Variants in USH2A observed in about 807,000 individuals in gnomAD.
The protein encoded by USH2A is Usher syndrome 2A (autosomal recessive, mild).
Under a neutral mutation model 538.9 loss-of-function variants are expected in USH2A, and 443 were observed. The observed-to-expected ratio is 0.82, with a 90% CI of 0.76 to 0.89. The LOEUF is 0.89. Among genes scored for constraint, USH2A ranks in the 40% least tolerant of loss-of-function variants. The probability of loss-of-function intolerance (pLI) is 0.00; values close to 1 mark genes in which losing one functional copy is unlikely to be tolerated. For synonymous variants in USH2A, 2,413 were observed against 2,273.5 expected (o/e 1.06, Z -1.75); for missense variants, 6,633 against 6,324.8 (o/e 1.05, Z -1.65).
intron 9 of USH2A, among the ~76,000 whole-genome samples, chr1:216,300,094 T>C (rs1419504131): frequency 6.6e-6 from 1 of 152,218 alleles, no homozygotes; most frequent in Non-Finnish European, 1.5e-5. Flanking sequence ...TCGTTTCAGA[T>C]AATACAAGGA....
At chr1:216,366,924 T>C (rs2038611451) in intron 3 of USH2A, among the ~76,000 whole-genome samples, 1 of 152,182 alleles carries the variant, frequency 6.6e-6, no homozygotes, top group Non-Finnish European at 1.5e-5. Context: ...GTTATCATTA[T>C]AAAAGATACA....
intron 35 of USH2A, among the ~76,000 whole-genome samples, chr1:215,988,015 C>A (rs918103100): frequency 2.0e-5 from 3 of 151,900 alleles, no homozygotes; most frequent in Non-Finnish European, 2.9e-5. Context: ...ATTACATCCT[C>A]TCTGTATCTT....
chr1:215,829,737 G>T (rs925891095), intron 47 of USH2A, among the ~76,000 whole-genome samples: 14 of 152,196 alleles, frequency 9.2e-5, no homozygotes, highest in African/African-American at 3.4e-4. Context: ...GCCTATAGTT[G>T]CTCATTAGAG....
chr1:216,417,378 T>TGAGA (rs2039593476), intron 3 of USH2A, among the ~76,000 whole-genome samples: 1 of 152,076 alleles, frequency 6.6e-6, no homozygotes, highest in African/African-American at 2.4e-5. Flanking sequence ...GATGCTCATA[T>TGAGA]GAGAGCTCAT....
intron 38 of USH2A, among the ~76,000 whole-genome samples, chr1:215,915,876 T>C (rs1288879340): frequency 6.6e-6 from 1 of 152,002 alleles, no homozygotes; most frequent in East Asian, 1.9e-4. Flanking sequence ...GATGAGTTCA[T>C]GTCCTTTGTA....
intron 22 of USH2A, among the ~76,000 whole-genome samples, chr1:216,095,356 CTACT>C (rs111312011): frequency 0.043 from 6,603 of 152,170 alleles, 472 homozygotes; most frequent in African/African-American, 0.15. Context: ...TCTAATTAAT[CTACT>C]TAAAGTTTTC....
intron 41 of USH2A, among the ~76,000 whole-genome samples, chr1:215,881,540 T>A (rs1479113632): frequency 6.6e-6 from 1 of 152,216 alleles, no homozygotes; most frequent in Non-Finnish European, 1.5e-5. Flanking sequence ...TCAAAATATA[T>A]GAGATTAAAA....
chr1:215,768,061 T>C (rs2102749284), intron 55 of USH2A, among the ~76,000 whole-genome samples: 1 of 152,024 alleles, frequency 6.6e-6, no homozygotes, highest in Non-Finnish European at 1.5e-5. Flanking sequence ...GAATGACTGT[T>C]CCTTCAGAGA....
Position 216,246,959 on chromosome 1 carries a change from G to A in USH2A, c.2435C>T (p.Thr812Ile), listed in dbSNP as rs768560709. 2 of 1,614,082 alleles carry A rather than the reference G, an allele frequency of 1.2e-6. No individual in the cohort carries two copies. Among genetic ancestry groups the A allele is most frequent in the Non-Finnish European group, 1.7e-6 (2 of 1,179,976 alleles). ...SLPGTVCNAKTGQCICKPNVE... is the reference protein window; with the variant it reads ...SLPGTVCNAKIGQCICKPNVE... ...ATTGGGCTTGCAGATGCACTGCCCT[G>A]TCTTAGCATTACAGACAGTCCCAGG... Residue 812 changes from threonine to isoleucine, a missense_variant, in exon 13 of 72, where the codon ACA (threonine) becomes ATA (isoleucine). Physicochemically the swap from Thr to Ile is moderately conservative, Grantham distance 89. Transcript: ENST00000307340.
At position 216,382,586 on chromosome 1, in the gene USH2A, C is replaced by A. The variant is rs371650843; in HGVS notation, c.652-17501G>T. Reference sequence around the variant, plus strand: ...GAATTTTGAAAGCTCACTGATAGCACTGTGGCAATATAAATTTAGAAATTA... The same window carrying A: ...GAATTTTGAAAGCTCACTGATAGCAATGTGGCAATATAAATTTAGAAATTA... On this transcript the variant is annotated intron_variant, in intron 3 of 71. Coordinates refer to ENST00000307340, the MANE Select transcript of USH2A (RefSeq NM_206933.4). Among the ~76,000 whole-genome samples, 284 of 152,222 alleles carry A rather than the reference C, an allele frequency of 1.9e-3. 14 individuals carry two copies. In the South Asian group the frequency reaches 0.057, roughly 31 times the overall value.
At chr1:216,252,730 C>T (rs540093953) in intron 11 of USH2A, among the ~76,000 whole-genome samples, 1 of 152,284 alleles carries the variant, frequency 6.6e-6, no homozygotes, top group South Asian at 2.1e-4. Context: ...CAATGAATTG[C>T]CTTCTTGTGC....
intron 9 of USH2A, among the ~76,000 whole-genome samples, chr1:216,302,362 C>T (rs2037232236): frequency 6.6e-6 from 1 of 152,130 alleles, no homozygotes; most frequent in African/African-American, 2.4e-5. Flanking sequence ...TGCAATAATA[C>T]TTCACCTGTG....
intron 70 of USH2A, among the ~76,000 whole-genome samples, chr1:215,633,951 G>T (rs531791157): frequency 3.3e-5 from 5 of 152,240 alleles, no homozygotes; most frequent in Admixed American, 2.0e-4. Flanking sequence ...GTGGCACAGG[G>T]TGTCAGGACC....
At position 215,625,736 on chromosome 1, in the gene USH2A, T is replaced by C; in HGVS notation, c.*45A>G. The C allele has an allele frequency of 6.4e-7, 1 of 1,568,440 alleles. No homozygotes were observed. Among genetic ancestry groups the C allele is most frequent in the Non-Finnish European group, 8.8e-7 (1 of 1,138,516 alleles). ...GAGTGATAACCCAGGAGGAAATGGG[T>C]GCAGACCTTGCATTCCAGGGTTACG... is the stretch of plus-strand genomic sequence containing the variant. On this transcript the variant is annotated 3_prime_UTR_variant, in exon 72 of 72. Coordinates refer to ENST00000307340, the MANE Select transcript of USH2A (RefSeq NM_206933.4).
At chr1:215,684,886 A>G (rs1658362549) in intron 61 of USH2A, among the ~76,000 whole-genome samples, 1 of 150,810 alleles carries the variant, frequency 6.6e-6, no homozygotes, top group Non-Finnish European at 1.5e-5. Flanking sequence ...AGTCACATCA[A>G]AAATTCACCT....
rs1656223604 is a variant in USH2A, at chr1:215,630,406, A to G, written c.15298-1371T>C. The G allele has an allele frequency of 7.8e-6, 3 of 386,592 alleles. 1 individual carries two copies. The highest frequency in any genetic ancestry group is 3.9e-5 in the South Asian group (2 of 51,628). The allele number at this position is 386,592 out of a possible 1,614,324, so 23.9% of individuals were successfully genotyped here. On this transcript the variant is annotated intron_variant, in intron 70 of 71. Coordinates refer to ENST00000307340, the MANE Select transcript of USH2A (RefSeq NM_206933.4). ...CTAGGATACATACCTGCATATGTAT[A>G]TATGTGTGTGTATATATATGTGTGT...
At position 215,888,761 on chromosome 1, in the gene USH2A, G is replaced by A; in HGVS notation, c.7888C>T (p.Pro2630Ser). The part of the protein sequence containing the change: ...LPGAPEGIPS[P>S]ELFSDTPTSV... ...GTTGGAGTATCAGAGAACAGCTCTG[G>A]ACTTGGGATCCCTTCCGGTGCCCCT... The change falls in exon 41 of 72, where the codon CCA (proline) becomes TCA (serine). Residue 2630 changes from proline to serine, a missense_variant. Physicochemically the swap from Pro to Ser is moderately conservative, Grantham distance 74. Coordinates refer to ENST00000307340, the MANE Select transcript of USH2A (RefSeq NM_206933.4). 6.2e-7 allele frequency: 1 copy of A among 1,614,112 alleles called. No individual in the cohort carries two copies. Among genetic ancestry groups the A allele is most frequent in the South Asian group, 1.1e-5 (1 of 91,082 alleles).
intron 16 of USH2A, among the ~76,000 whole-genome samples, chr1:216,201,314 T>C (rs1333069559): frequency 3.3e-5 from 5 of 149,960 alleles, no homozygotes; most frequent in East Asian, 3.9e-4. Context: ...TTTTTCTTTT[T>C]TTTTTTTTTT....
intron 21 of USH2A, among the ~76,000 whole-genome samples, chr1:216,164,891 T>C (rs1271710750): frequency 1.3e-5 from 2 of 152,256 alleles, no homozygotes; most frequent in Admixed American, 6.5e-5. Flanking sequence ...AGTGATTGCA[T>C]TGAAACCTTA....
Sources: allele counts gnomAD v4.1 joint callset (sites outside exome capture counted in the v4.1 genomes callset), GRCh38; gene constraint gnomAD v4.1.1; transcripts MANE v1.5; gene names NCBI Gene and HGNC (gene_info 2026-07-23, HGNC 2026-07-21).